Variants in TTLL11 observed in about 807,000 individuals in gnomAD.
TTLL11 encodes tubulin tyrosine ligase like 11.
Under a neutral mutation model 51.7 loss-of-function variants are expected in TTLL11, and 42 were observed. That is an observed-to-expected ratio of 0.81 (90% confidence interval 0.64 to 1.05). TTLL11 has a LOEUF of 1.05. TTLL11 is among the 50% of genes least tolerant of loss of function. TTLL11 has a pLI of 0.00. For missense variants in TTLL11, 799 were observed against 940.4 expected (o/e 0.85, Z 1.97); for synonymous variants, 381 against 383.5 (o/e 0.99, Z 0.08).
chr9:122,043,602 T>C (rs1162411019), intron 1 of TTLL11, among the ~76,000 whole-genome samples: 1 of 152,048 alleles, frequency 6.6e-6, no homozygotes. Context: ...TTCATAACAC[T>C]AGAAATATAG....
intron 6 of TTLL11, among the ~76,000 whole-genome samples, chr9:121,880,284 C>T (rs892120872): frequency 3.3e-5 from 5 of 152,178 alleles, no homozygotes; most frequent in South Asian, 2.1e-4. Flanking sequence ...GGTCCCCAGG[C>T]CTGAGAGAGC....
At chr9:121,830,804 G>T (rs1431644542) in intron 8 of TTLL11, among the ~76,000 whole-genome samples, 2 of 152,194 alleles carry the variant, frequency 1.3e-5, no homozygotes, top group Non-Finnish European at 2.9e-5. Context: ...GGCCACAGGG[G>T]GCTCTGTAGA....
chr9:121,925,555 T>C (rs1840698881), intron 6 of TTLL11, among the ~76,000 whole-genome samples: 1 of 152,144 alleles, frequency 6.6e-6, no homozygotes. Flanking sequence ...AAATGAGCAT[T>C]GACTCATTCT....
intron 1 of TTLL11, among the ~76,000 whole-genome samples, chr9:122,042,712 G>A (rs532678562): frequency 6.6e-6 from 1 of 152,248 alleles, no homozygotes; most frequent in Admixed American, 6.5e-5. Context: ...TAGGTGAGTA[G>A]ATAAATAAAC....
At chr9:121,932,724 C>T (rs1841040722) in intron 6 of TTLL11, among the ~76,000 whole-genome samples, 1 of 152,016 alleles carries the variant, frequency 6.6e-6, no homozygotes, top group African/African-American at 2.4e-5. Flanking sequence ...AATAATAAGG[C>T]TAATTCCCAG....
At chr9:121,893,343 C>T (rs1359814293) in intron 6 of TTLL11, among the ~76,000 whole-genome samples, 1 of 141,938 alleles carries the variant, frequency 7.0e-6, no homozygotes, top group African/African-American at 2.5e-5. Context: ...CTTCTCCATG[C>T]ATGCATATGT....
intron 1 of TTLL11, among the ~76,000 whole-genome samples, chr9:122,070,866 A>G (rs1371694385): frequency 6.6e-6 from 1 of 152,132 alleles, no homozygotes; most frequent in Non-Finnish European, 1.5e-5. Flanking sequence ...CCTCCCTGCC[A>G]TTCAGCCTTG....
intron 3 of TTLL11, 149 bp downstream of exon 3, chr9:122,031,574 T>C: frequency 3.5e-6 from 3 of 854,988 alleles, no homozygotes; most frequent in Non-Finnish European, 5.1e-6. Flanking sequence ...GCTGTTTTGA[T>C]AGCTGCCAAC....
intron 6 of TTLL11, among the ~76,000 whole-genome samples, chr9:121,958,814 C>T (rs1157345123): frequency 2.0e-5 from 3 of 152,130 alleles, no homozygotes; most frequent in Non-Finnish European, 4.4e-5. Context: ...TATGGACTTC[C>T]AAGCCCTGCA....
intron 8 of TTLL11, among the ~76,000 whole-genome samples, chr9:121,851,191 CAG>C (rs1484851359): frequency 6.6e-6 from 1 of 152,082 alleles, no homozygotes; most frequent in Non-Finnish European, 1.5e-5. Context: ...GAGGGCTGAA[CAG>C]GGGGAGCACA....
chr9:122,079,233 C>T (rs1845938736), intron 1 of TTLL11, among the ~76,000 whole-genome samples: 1 of 152,146 alleles, frequency 6.6e-6, no homozygotes. Context: ...ACCCTGCCAA[C>T]ATGTACTATC....
intron 1 of TTLL11, among the ~76,000 whole-genome samples, chr9:122,041,995 T>C (rs1204890093): frequency 2.0e-5 from 3 of 146,958 alleles, no homozygotes; most frequent in Admixed American, 2.0e-4. Context: ...AAGAACCAAG[T>C]GGAGTTCTCA....
At chr9:121,954,085 G>A (rs937115773) in intron 6 of TTLL11, among the ~76,000 whole-genome samples, 9 of 152,230 alleles carry the variant, frequency 5.9e-5, no homozygotes, top group Admixed American at 5.9e-4. Context: ...CAGCCCCACT[G>A]TATGTGAGAA....
chr9:121,959,524 TTCACAGTCACATCTCAGATCCAATCCA>T (rs1339533779), intron 6 of TTLL11, among the ~76,000 whole-genome samples: 1 of 152,138 alleles, frequency 6.6e-6, no homozygotes, highest in Non-Finnish European at 1.5e-5. Flanking sequence ...TGGTTCTTCC[TTCACAGTCACATCTCAGATCCAATCCA>T]TCACCAAGCC....
intron 6 of TTLL11, among the ~76,000 whole-genome samples, chr9:121,919,874 A>C (rs998576191): frequency 6.6e-6 from 1 of 151,458 alleles, no homozygotes; most frequent in Admixed American, 6.6e-5. Context: ...AAAAAAAGGA[A>C]ATATCCTAAT....
At chr9:121,942,994 C>T (rs1402542960) in intron 6 of TTLL11, among the ~76,000 whole-genome samples, 7 of 152,100 alleles carry the variant, frequency 4.6e-5, no homozygotes, top group Admixed American at 2.0e-4. Flanking sequence ...TACAGTAGAC[C>T]CTTGGCGCTG....
chr9:121,953,544 G>A (rs1841917301), intron 6 of TTLL11, among the ~76,000 whole-genome samples: 3 of 149,516 alleles, frequency 2.0e-5, no homozygotes, highest in African/African-American at 7.4e-5. Context: ...AGGCATAAGA[G>A]TTGCCTGAAC....
chr9:121,884,754 G>C (rs560113916), intron 6 of TTLL11: 1 of 152,296 alleles, frequency 6.6e-6, no homozygotes, highest in South Asian at 2.1e-4. Context: ...CTATGACACA[G>C]AGACAGGGGG....
At chr9:122,005,160 G>A (rs571875706) in intron 3 of TTLL11, among the ~76,000 whole-genome samples, 1 of 152,160 alleles carries the variant, frequency 6.6e-6, no homozygotes, top group Non-Finnish European at 1.5e-5. Context: ...TAAATTGCCC[G>A]TTTCTGAAGA....
Sources: gnomAD v4.1 joint callset for allele counts (sites outside exome capture counted in the v4.1 genomes callset) on GRCh38, gnomAD v4.1.1 for gene constraint, MANE v1.5 for transcripts, NCBI Gene and HGNC (gene_info 2026-07-23, HGNC 2026-07-21) for gene names.